GABRB1: variants seen among roughly 807,000 people sequenced by gnomAD.
GABRB1 encodes gamma-aminobutyric acid receptor subunit beta-1.
GABRB1 carries 17 observed loss-of-function variants against 51.6 expected under a neutral mutation model. The observed-to-expected ratio is 0.33, with a 90% CI of 0.23 to 0.49. The LOEUF (loss-of-function observed/expected upper bound fraction) is 0.49, where lower values mean the gene tolerates loss of function less well. Among genes scored for constraint, GABRB1 ranks in the 20% least tolerant of loss-of-function variants. The pLI is 0.99. For missense variants in GABRB1, 410 were observed against 600.6 expected (o/e 0.68, Z 3.32); for synonymous variants, 247 against 218.9 (o/e 1.13, Z -1.14).
chr4:47,274,483 T>C (rs1162539782), intron 4 of GABRB1, among the ~76,000 whole-genome samples: 3 of 152,094 alleles, frequency 2.0e-5, no homozygotes, highest in South Asian at 2.1e-4. Context: ...GTAGAAAGGG[T>C]TCTTTTCTAT....
At chr4:47,407,447 T>G (rs1313112152) in intron 8 of GABRB1, among the ~76,000 whole-genome samples, 1 of 152,248 alleles carries the variant, frequency 6.6e-6, no homozygotes, top group Admixed American at 6.5e-5. Context: ...AGAGTTGTTT[T>G]AAGAACTCTG....
At chr4:47,066,087 G>A (rs1167851706) in intron 3 of GABRB1, among the ~76,000 whole-genome samples, 1 of 152,126 alleles carries the variant, frequency 6.6e-6, no homozygotes, top group East Asian at 1.9e-4. Flanking sequence ...TTGCTTAGGT[G>A]CCCAGAAATA....
chr4:47,220,891 T>C (rs1312438041), intron 4 of GABRB1, among the ~76,000 whole-genome samples: 1 of 152,028 alleles, frequency 6.6e-6, no homozygotes, highest in African/African-American at 2.4e-5. Context: ...GAACTTTTGA[T>C]CAAAGCATCG....
At chr4:47,183,686 C>T (rs1430257716) in intron 4 of GABRB1, among the ~76,000 whole-genome samples, 1 of 151,742 alleles carries the variant, frequency 6.6e-6, no homozygotes, top group African/African-American at 2.4e-5. Context: ...CTACATCTGT[C>T]AATATCACCT....
At chr4:47,246,076 C>CT (rs971583395) in intron 4 of GABRB1, among the ~76,000 whole-genome samples, 1 of 148,432 alleles carries the variant, frequency 6.7e-6, no homozygotes, top group Non-Finnish European at 1.5e-5. Flanking sequence ...TCTCATTCTC[C>CT]CCCCCCAAGT....
intron 5 of GABRB1, among the ~76,000 whole-genome samples, chr4:47,378,184 G>A (rs899808588): frequency 3.9e-5 from 6 of 152,214 alleles, no homozygotes; most frequent in Non-Finnish European, 7.4e-5. Context: ...TGCAGGTCCC[G>A]AACCCTGCCC....
chr4:47,390,493 C>T (rs1488879627), intron 5 of GABRB1, among the ~76,000 whole-genome samples: 1 of 152,186 alleles, frequency 6.6e-6, no homozygotes, highest in Non-Finnish European at 1.5e-5. Flanking sequence ...CAAAAGAATA[C>T]TAACATCCCA....
intron 4 of GABRB1, among the ~76,000 whole-genome samples, chr4:47,267,554 T>C (rs906284183): frequency 6.6e-6 from 1 of 151,394 alleles, no homozygotes; most frequent in African/African-American, 2.4e-5. Flanking sequence ...CAGCACCTTG[T>C]GAGGCCGAGG....
At chr4:47,422,884 A>C (rs77597827) in intron 8 of GABRB1, among the ~76,000 whole-genome samples, 8,346 of 152,238 alleles carry the variant, frequency 0.055, 245 homozygotes, top group Middle Eastern at 0.14. Flanking sequence ...TTTCCAGGTC[A>C]CCTTCACTTC....
intron 5 of GABRB1, among the ~76,000 whole-genome samples, chr4:47,379,511 T>C (rs952242773): frequency 6.6e-6 from 1 of 152,182 alleles, no homozygotes; most frequent in Non-Finnish European, 1.5e-5. Flanking sequence ...AGCTATGCTG[T>C]TTGGTAGGTT....
chr4:47,039,378 A>G (rs913544231), intron 3 of GABRB1, among the ~76,000 whole-genome samples: 4 of 149,220 alleles, frequency 2.7e-5, no homozygotes, highest in Admixed American at 6.8e-5. Flanking sequence ...AAAAAAAACC[A>G]GGCAACTAGA....
chr4:47,391,556 C>T (rs939942210), intron 5 of GABRB1, among the ~76,000 whole-genome samples: 1 of 152,152 alleles, frequency 6.6e-6, no homozygotes, highest in East Asian at 1.9e-4. Flanking sequence ...ATTCAAAGAC[C>T]AGCTTGAGGT....
chr4:47,360,001 T>G lies in GABRB1; in HGVS notation c.544+39792T>G, dbSNP rs558643360. 2.5e-3 allele frequency among the ~76,000 whole-genome samples: 384 copies of G among 152,170 alleles called. 1 individual carries two copies. Among genetic ancestry groups the G allele is most frequent in the Non-Finnish European group, 4.4e-3 (301 of 67,942 alleles). ...AAAATGAATTTCTATTTTGTTTCAC[T>G]CTGGGAGCCTGTTACATTAACCAAC... On this transcript the variant is annotated intron_variant, in intron 5 of 8. Transcript: ENST00000295454.
At chr4:47,293,164 G>A (rs1723817418) in intron 4 of GABRB1, among the ~76,000 whole-genome samples, 1 of 152,090 alleles carries the variant, frequency 6.6e-6, no homozygotes. Flanking sequence ...TTTTTGAGAT[G>A]GAGTTTTGCT....
At chr4:47,050,528 C>A (rs962971874) in intron 3 of GABRB1, among the ~76,000 whole-genome samples, 2 of 151,848 alleles carry the variant, frequency 1.3e-5, no homozygotes, top group Non-Finnish European at 2.9e-5. Context: ...GAAGTAAATG[C>A]CAATGCAAAG....
intron 1 of GABRB1, among the ~76,000 whole-genome samples, chr4:47,000,751 C>G (rs1724153312): frequency 6.6e-6 from 1 of 152,174 alleles, no homozygotes; most frequent in Admixed American, 6.5e-5. Context: ...TTCCACATAA[C>G]ATGATGATCT....
intron 5 of GABRB1, among the ~76,000 whole-genome samples, chr4:47,391,115 G>T (rs1727976134): frequency 6.6e-6 from 1 of 152,094 alleles, no homozygotes; most frequent in Admixed American, 6.5e-5. Context: ...GGTGGAGATT[G>T]CAGTGAGCCA....
chr4:47,050,181 A>G (rs142771595), intron 3 of GABRB1, among the ~76,000 whole-genome samples: 3 of 152,160 alleles, frequency 2.0e-5, no homozygotes, highest in African/African-American at 7.2e-5. Flanking sequence ...CTTTGCTTCA[A>G]AGGTGTTACT....
intron 5 of GABRB1, among the ~76,000 whole-genome samples, chr4:47,400,008 C>T (rs1728323704): frequency 6.6e-6 from 1 of 152,018 alleles, no homozygotes; most frequent in African/African-American, 2.4e-5. Context: ...TATTATGGCT[C>T]CTCGTCTATA....
Sources: allele counts gnomAD v4.1 joint callset (sites outside exome capture counted in the v4.1 genomes callset), GRCh38; gene constraint gnomAD v4.1.1; transcripts MANE v1.5; gene names NCBI Gene and HGNC (gene_info 2026-07-23, HGNC 2026-07-21).